The following KAT6A variants were observed in gnomAD, a reference collection of about 807,000 sequenced individuals.
The protein encoded by KAT6A is histone acetyltransferase KAT6A.
A neutral mutation model predicts 198.4 loss-of-function variants in KAT6A; 9 were observed. The observed-to-expected ratio is 0.05, with a 90% CI of 0.03 to 0.08. The LOEUF is 0.08. Among genes scored for constraint, KAT6A ranks in the 10% least tolerant of loss-of-function variants. KAT6A has a pLI of 1.00. For synonymous variants in KAT6A, 890 were observed against 883.0 expected, an observed-to-expected ratio of 1.01 and a Z score of -0.14; for missense variants, 2,077 against 2,509.9, an observed-to-expected ratio of 0.83 and a Z score of 3.69.
At chr8:42,010,488 G>A (rs1242719288) in intron 2 of KAT6A, among the ~76,000 whole-genome samples, 1 of 152,080 alleles carries the variant, frequency 6.6e-6, no homozygotes, top group Non-Finnish European at 1.5e-5. Flanking sequence ...AGAAATCTTG[G>A]GTTGCCTCAA....
chr8:42,010,685 A>G (rs1825980635), intron 2 of KAT6A, among the ~76,000 whole-genome samples: 2 of 152,110 alleles, frequency 1.3e-5, no homozygotes. Context: ...ACTTCCCTTC[A>G]TCTCAAAAGT....
rs555915595 is a variant in KAT6A, at chr8:41,977,068, C to T, written c.1303G>A (p.Glu435Lys). The T allele has an allele frequency of 2.5e-5, 40 of 1,614,072 alleles. No homozygotes were observed. The South Asian group carries it at 4.1e-4, about 16-fold the overall frequency. ...KARGEVVDYSEQYRIRKRGNR... is the reference protein window; with the variant it reads ...KARGEVVDYSKQYRIRKRGNR... ...CCCCTCTTTCTGATTCGATATTGCTCAGAGTAGTCCACCACTTCCCCCCGA... is the reference window on the plus strand; with the variant it reads ...CCCCTCTTTCTGATTCGATATTGCTTAGAGTAGTCCACCACTTCCCCCCGA... Residue 435 changes from glutamate (E) to lysine (K), a missense_variant, in exon 7 of 17, where the codon GAG becomes AAG. Coordinates refer to ENST00000265713, the MANE Select transcript of KAT6A (RefSeq NM_006766.5).
chr8:41,937,198 G>T, intron 16 of KAT6A, 58 bp downstream of exon 16: 1 of 1,349,604 alleles, frequency 7.4e-7, no homozygotes, highest in Non-Finnish European at 1.0e-6. Context: ...GTCTGTCACT[G>T]CTACTGCTAT....
intron 8 of KAT6A, among the ~76,000 whole-genome samples, chr8:41,960,121 C>T (rs1823123125): frequency 1.5e-5 from 2 of 136,448 alleles, no homozygotes; most frequent in Admixed American, 1.6e-4. Flanking sequence ...AGGCAGAAGA[C>T]AGAATGATGC....
At chr8:41,950,784 GT>G (rs1282275362) in intron 9 of KAT6A, among the ~76,000 whole-genome samples, 2 of 152,094 alleles carry the variant, frequency 1.3e-5, no homozygotes, top group Non-Finnish European at 2.9e-5. Context: ...TGAAAATAAA[GT>G]ACCATTTATG....
chr8:41,943,311 CCTTT>C (rs1564012465), intron 13 of KAT6A, among the ~76,000 whole-genome samples: 1 of 152,214 alleles, frequency 6.6e-6, no homozygotes, highest in African/African-American at 2.4e-5. Context: ...TCAAATGCCT[CCTTT>C]CTTTGTGACC....
chr8:42,039,172 G>C (rs1020676570), intron 2 of KAT6A, among the ~76,000 whole-genome samples: 1 of 152,138 alleles, frequency 6.6e-6, no homozygotes, highest in Non-Finnish European at 1.5e-5. Context: ...GTTACTCCTG[G>C]TCTAATTCAT....
chr8:42,048,180 T>C (rs1052912163), intron 2 of KAT6A, among the ~76,000 whole-genome samples, 198 bp downstream of exon 2: 2 of 152,152 alleles, frequency 1.3e-5, no homozygotes, highest in African/African-American at 2.4e-5. Flanking sequence ...ACATTTTTAA[T>C]CTTAGGCTTC....
intron 2 of KAT6A, among the ~76,000 whole-genome samples, chr8:42,035,289 C>T (rs190594539): frequency 6.6e-6 from 1 of 152,270 alleles, no homozygotes; most frequent in East Asian, 1.9e-4. Flanking sequence ...TAAGAAATGA[C>T]AGCCGGTTAA....
intron 2 of KAT6A, among the ~76,000 whole-genome samples, chr8:42,027,371 CTTCTT>C (rs1426335649): frequency 6.6e-6 from 1 of 151,908 alleles, no homozygotes; most frequent in Non-Finnish European, 1.5e-5. Flanking sequence ...GTTAGTTCTT[CTTCTT>C]AAGTTTGGTA....
chr8:41,967,039 T>A (rs1823526367), intron 8 of KAT6A, among the ~76,000 whole-genome samples: 1 of 152,156 alleles, frequency 6.6e-6, no homozygotes, highest in Non-Finnish European at 1.5e-5. Flanking sequence ...GATTTAACTC[T>A]TCACGCAAAG....
At chr8:41,998,465 T>G (rs1412777808) in intron 2 of KAT6A, among the ~76,000 whole-genome samples, 1 of 152,164 alleles carries the variant, frequency 6.6e-6, no homozygotes, top group Non-Finnish European at 1.5e-5. Flanking sequence ...CTTTCACTAA[T>G]AATAGCCTTT....
At chr8:42,021,347 G>A (rs1395917635) in intron 2 of KAT6A, among the ~76,000 whole-genome samples, 1 of 152,152 alleles carries the variant, frequency 6.6e-6, no homozygotes, top group African/African-American at 2.4e-5. Context: ...AGAGAAGGAA[G>A]TCAGCACTAT....
At chr8:42,007,506 C>T (rs1825805163) in intron 2 of KAT6A, among the ~76,000 whole-genome samples, 1 of 152,110 alleles carries the variant, frequency 6.6e-6, no homozygotes, top group Non-Finnish European at 1.5e-5. Flanking sequence ...AAGACAGTGA[C>T]TGGTCCAGAG....
chr8:42,034,816 T>C (rs949290582), intron 2 of KAT6A, among the ~76,000 whole-genome samples: 4 of 152,212 alleles, frequency 2.6e-5, no homozygotes, highest in African/African-American at 9.6e-5. Context: ...GTATATTAAC[T>C]CATTAAATTC....
intron 2 of KAT6A, chr8:42,043,469 G>A (rs1477625670): frequency 6.6e-6 from 1 of 151,936 alleles, no homozygotes; most frequent in Non-Finnish European, 1.5e-5. Context: ...TTATCTTTAA[G>A]GGAAAAAAAT....
chr8:41,977,900 T>A (rs1210110273), intron 6 of KAT6A, among the ~76,000 whole-genome samples: 1 of 152,220 alleles, frequency 6.6e-6, no homozygotes. Context: ...TTCAGTTATA[T>A]CACCTTCAAG....
chr8:41,974,849 T>A, intron 7 of KAT6A, 27 bp from the exon 8 acceptor site: 1 of 1,435,866 alleles, frequency 7.0e-7, no homozygotes, highest in Non-Finnish European at 9.7e-7. Context: ...AGCTCACATG[T>A]TAACTGTCCC....
chr8:42,039,354 A>T (rs1212618751), intron 2 of KAT6A, among the ~76,000 whole-genome samples: 1 of 152,248 alleles, frequency 6.6e-6, no homozygotes, highest in East Asian at 1.9e-4. Flanking sequence ...TAAATTTTTA[A>T]TTCTATTTAA....
Sources: gnomAD v4.1 joint callset for allele counts (sites outside exome capture counted in the v4.1 genomes callset) on GRCh38, gnomAD v4.1.1 for gene constraint, MANE v1.5 for transcripts, NCBI Gene and HGNC (gene_info 2026-07-23, HGNC 2026-07-21) for gene names.